The following GALNTL6 variants were observed in gnomAD, a reference collection of about 807,000 sequenced individuals.
GALNTL6 encodes polypeptide N-acetylgalactosaminyltransferase-like 6.
GALNTL6 carries 46 observed loss-of-function variants against 73.7 expected under a neutral mutation model. The ratio of observed to expected loss-of-function variants is 0.62; its 90% confidence interval spans 0.49 to 0.80. GALNTL6 has a LOEUF of 0.80. Among genes scored for constraint, GALNTL6 ranks in the 30% least tolerant of loss-of-function variants. GALNTL6 has a pLI of 0.00. For synonymous variants in GALNTL6, 259 were observed against 263.7 expected, an observed-to-expected ratio of 0.98 and a Z score of 0.17; for missense variants, 604 against 755.0, an observed-to-expected ratio of 0.80 and a Z score of 2.34.
chr4:172,029,282 A>C (rs546458696), intron 2 of GALNTL6, among the ~76,000 whole-genome samples: 3 of 152,174 alleles, frequency 2.0e-5, no homozygotes, highest in South Asian at 4.1e-4. Flanking sequence ...CTTAGTATGA[A>C]AATATTGTGT....
chr4:172,812,382 G>C (rs1416532545), intron 6 of GALNTL6, among the ~76,000 whole-genome samples: 1 of 152,136 alleles, frequency 6.6e-6, no homozygotes, highest in Non-Finnish European at 1.5e-5. Context: ...TTGTTTATTT[G>C]TTTATTGTCA....
chr4:172,587,687 A>T (rs1023837492), intron 5 of GALNTL6, among the ~76,000 whole-genome samples: 37 of 152,182 alleles, frequency 2.4e-4, no homozygotes, highest in Non-Finnish European at 5.9e-5. Context: ...AGATTCTTAT[A>T]CATCCTTCCA....
Position 172,054,682 on chromosome 4 carries a change from G to T in GALNTL6, c.139-174974G>T, listed in dbSNP as rs1010836793. 3.3e-5 allele frequency among the ~76,000 whole-genome samples: 5 copies of T among 152,218 alleles called. No homozygotes were observed. In the East Asian group the frequency reaches 9.6e-4, roughly 29 times the overall value. ...ATCCCCAAATATTATAACATTGAGGGTTACGTTTCAACATAAGAATTTTGA... is the reference window on the plus strand; with the variant it reads ...ATCCCCAAATATTATAACATTGAGGTTTACGTTTCAACATAAGAATTTTGA... On this transcript the variant is annotated intron_variant, in intron 2 of 12. Coordinates refer to ENST00000506823, the MANE Select transcript of GALNTL6 (RefSeq NM_001034845.3).
At chr4:172,690,515 A>G (rs952889427) in intron 5 of GALNTL6, among the ~76,000 whole-genome samples, 3 of 152,192 alleles carry the variant, frequency 2.0e-5, no homozygotes, top group Admixed American at 1.3e-4. Flanking sequence ...TAAAAAACAA[A>G]TAAGGCAATA....
intron 5 of GALNTL6, among the ~76,000 whole-genome samples, chr4:172,723,150 G>C (rs967314522): frequency 7.2e-5 from 11 of 152,132 alleles, no homozygotes; most frequent in African/African-American, 2.7e-4. Context: ...TCTCTCTAAA[G>C]GATCTGCGTG....
intron 2 of GALNTL6, among the ~76,000 whole-genome samples, chr4:171,918,961 ATAG>A (rs1187910156): frequency 3.3e-5 from 5 of 152,130 alleles, no homozygotes; most frequent in Non-Finnish European, 5.9e-5. Flanking sequence ...ACAGAGTAGA[ATAG>A]TAGTACCAGG....
chr4:172,625,645 G>A (rs941432616), intron 5 of GALNTL6, among the ~76,000 whole-genome samples: 1 of 152,078 alleles, frequency 6.6e-6, no homozygotes, highest in Non-Finnish European at 1.5e-5. Context: ...CCCACCAAAT[G>A]TATAAGCGTT....
At chr4:172,743,364 A>C (rs1336333102) in intron 5 of GALNTL6, among the ~76,000 whole-genome samples, 4 of 144,424 alleles carry the variant, frequency 2.8e-5, no homozygotes, top group Non-Finnish European at 6.1e-5. Flanking sequence ...ATCATATCCT[A>C]ATATAGTATA....
chr4:172,788,899 A>C (rs1739835613), intron 5 of GALNTL6, among the ~76,000 whole-genome samples: 2 of 152,128 alleles, frequency 1.3e-5, no homozygotes, highest in South Asian at 2.1e-4. Flanking sequence ...GATAGGGAAA[A>C]GGAAAATGTA....
At chr4:172,847,682 G>C (rs1489985339) in intron 7 of GALNTL6, among the ~76,000 whole-genome samples, 1 of 152,130 alleles carries the variant, frequency 6.6e-6, no homozygotes, top group Non-Finnish European at 1.5e-5. Context: ...GAGCAAATGA[G>C]ACATTCTCTG....
intron 3 of GALNTL6, among the ~76,000 whole-genome samples, chr4:172,289,241 T>C (rs1739374607): frequency 6.6e-6 from 1 of 152,210 alleles, no homozygotes; most frequent in Non-Finnish European, 1.5e-5. Flanking sequence ...TTTCCCACTA[T>C]GTTTTGTTGC....
At chr4:172,399,079 TG>T (rs1308953590) in intron 5 of GALNTL6, among the ~76,000 whole-genome samples, 1 of 152,154 alleles carries the variant, frequency 6.6e-6, no homozygotes, top group Non-Finnish European at 1.5e-5. Flanking sequence ...ACTTTTTACC[TG>T]GTCAGAACAT....
At chr4:171,850,677 T>C (rs1735501025) in intron 2 of GALNTL6, among the ~76,000 whole-genome samples, 1 of 152,194 alleles carries the variant, frequency 6.6e-6, no homozygotes, top group Admixed American at 6.5e-5. Context: ...TCTTATGATC[T>C]CTGTTTTAAT....
At chr4:172,503,491 C>G (rs1398510278) in intron 5 of GALNTL6, among the ~76,000 whole-genome samples, 1 of 133,006 alleles carries the variant, frequency 7.5e-6, no homozygotes, top group Non-Finnish European at 1.6e-5. Flanking sequence ...AGTGCTTAAA[C>G]TATATATATC....
At chr4:172,210,843 C>A (rs748015601) in intron 2 of GALNTL6, among the ~76,000 whole-genome samples, 3 of 152,100 alleles carry the variant, frequency 2.0e-5, no homozygotes, top group Non-Finnish European at 4.4e-5. Flanking sequence ...GGTCTTTTCC[C>A]ACTTTATTTA....
At chr4:172,877,882 A>C (rs533965568) in intron 7 of GALNTL6, among the ~76,000 whole-genome samples, 1 of 152,160 alleles carries the variant, frequency 6.6e-6, no homozygotes, top group South Asian at 2.1e-4. Context: ...ATATGTTAAA[A>C]GTTACATGGA....
chr4:172,291,277 C>T (rs1739462241), intron 3 of GALNTL6, among the ~76,000 whole-genome samples: 2 of 151,734 alleles, frequency 1.3e-5, no homozygotes, highest in South Asian at 4.2e-4. Context: ...TAAATTTTCC[C>T]CTTAAAGATT....
At chr4:172,142,201 A>G (rs1455099148) in intron 2 of GALNTL6, among the ~76,000 whole-genome samples, 1 of 152,090 alleles carries the variant, frequency 6.6e-6, no homozygotes, top group Admixed American at 6.5e-5. Flanking sequence ...TTTAAAAAAT[A>G]TATAGATACC....
In GALNTL6 at chr4:172,150,709, G is replaced by A. The variant is rs929918987; in HGVS notation, c.139-78947G>A. 3.3e-5 allele frequency among the ~76,000 whole-genome samples: 5 copies of A among 152,088 alleles called. No individual in the cohort carries two copies. The East Asian group carries it at 9.6e-4, about 29-fold the overall frequency. ...TGGAACAGGATGAAGTTGGTCCCTG[G>A]GCAGTAGGGAGAAGAGGATCAGTGG... On this transcript the variant is annotated intron_variant, in intron 2 of 12. Coordinates refer to ENST00000506823, the MANE Select transcript of GALNTL6 (RefSeq NM_001034845.3).
Sources: gnomAD v4.1 joint callset for allele counts (sites outside exome capture counted in the v4.1 genomes callset) on GRCh38, gnomAD v4.1.1 for gene constraint, MANE v1.5 for transcripts, NCBI Gene and HGNC (gene_info 2026-07-23, HGNC 2026-07-21) for gene names.